The following WWOX variants were observed in gnomAD, a reference collection of about 807,000 sequenced individuals.
WWOX encodes the protein WW domain containing oxidoreductase.
WWOX carries 69 observed loss-of-function variants against 46.2 expected under a neutral mutation model. That is an observed-to-expected ratio of 1.49 (90% CI 1.23 to 1.82). The LOEUF is 1.82. Ranked by LOEUF, WWOX falls within the 40% of genes most tolerant of loss-of-function variation. The pLI, the probability that WWOX is intolerant of heterozygous loss-of-function variation, is 0.00. For missense variants in WWOX, 919 were observed against 542.6 expected (o/e 1.69, Z -6.89); for synonymous variants, 359 against 202.6 (o/e 1.77, Z -6.56).
intron 8 of WWOX, among the ~76,000 whole-genome samples, chr16:78,605,619 G>A (rs1224549706): frequency 6.6e-6 from 1 of 152,140 alleles, no homozygotes; most frequent in Non-Finnish European, 1.5e-5. Flanking sequence ...CAACCCAAAT[G>A]TTAAAATTTC....
At position 78,190,569 on chromosome 16, in the gene WWOX, T is replaced by C. The variant is rs140850293; in HGVS notation, c.516+26280T>C. Among the ~76,000 whole-genome samples the C allele has an allele frequency of 5.6e-3, 860 of 152,256 alleles. 27 individuals are homozygous for C. Among genetic ancestry groups the C allele is most frequent in the Admixed American group, 0.051 (780 of 15,294 alleles). ...TGCACATCCCTTCCAGCCAACTCTA[T>C]TGTGCACACATATTCGTAGGGTGAG... is the stretch of plus-strand genomic sequence containing the variant. On this transcript the variant is annotated intron_variant, in intron 5 of 8. Coordinates refer to ENST00000566780, the MANE Select transcript of WWOX (RefSeq NM_016373.4).
At chr16:78,625,034 G>A (rs1025078320) in intron 8 of WWOX, among the ~76,000 whole-genome samples, 6 of 152,114 alleles carry the variant, frequency 3.9e-5, no homozygotes, top group African/African-American at 1.4e-4. Flanking sequence ...GCCTGTCTTT[G>A]GGAAGAGGTG....
chr16:78,635,822 C>A lies in WWOX; in HGVS notation c.1056+203070C>A, dbSNP rs374594186. 1.9e-4 allele frequency among the ~76,000 whole-genome samples: 29 copies of A among 152,296 alleles called. No homozygotes were observed. The East Asian group carries it at 4.1e-3, about 21-fold the overall frequency. ...CAGCTAGTGGAAGGCGTGCCCAAAT[C>A]TCAGAAGTTGGCGTTTCCTTGCAGA... On this transcript the variant is annotated intron_variant, in intron 8 of 8. Coordinates refer to ENST00000566780, the MANE Select transcript of WWOX (RefSeq NM_016373.4).
chr16:78,804,843 G>C (rs367794276), intron 8 of WWOX, among the ~76,000 whole-genome samples: 2 of 152,224 alleles, frequency 1.3e-5, no homozygotes, highest in Non-Finnish European at 2.9e-5. Flanking sequence ...TAGGCATTCT[G>C]TGATCCTTAG....
At chr16:79,194,707 C>T (rs960272353) in intron 8 of WWOX, among the ~76,000 whole-genome samples, 1 of 152,296 alleles carries the variant, frequency 6.6e-6, no homozygotes, top group East Asian at 1.9e-4. Flanking sequence ...TCAGGAGGTG[C>T]TACTTTCTCC....
At chr16:78,509,980 G>C (rs1328804815) in intron 8 of WWOX, among the ~76,000 whole-genome samples, 1 of 151,338 alleles carries the variant, frequency 6.6e-6, no homozygotes, top group African/African-American at 2.4e-5. Flanking sequence ...CATGCCTGTA[G>C]TCCCAGCTTC....
At chr16:79,123,618 A>C (rs1481248820) in intron 8 of WWOX, among the ~76,000 whole-genome samples, 1 of 152,138 alleles carries the variant, frequency 6.6e-6, no homozygotes, top group Admixed American at 6.5e-5. Flanking sequence ...CCAGCAGTCA[A>C]AATAGTTTGA....
chr16:78,955,836 G>T lies in WWOX; in HGVS notation c.1057-255772G>T, dbSNP rs370513089. On this transcript the variant is annotated intron_variant, in intron 8 of 8. Coordinates refer to ENST00000566780, the MANE Select transcript of WWOX (RefSeq NM_016373.4). ...CTAATTTATTTTTTGTAAAGATGAGGTCTCACTATGTTTCCCAGGCTGGTC... is the reference window on the plus strand; with the variant it reads ...CTAATTTATTTTTTGTAAAGATGAGTTCTCACTATGTTTCCCAGGCTGGTC... Among the ~76,000 whole-genome samples the T allele has an allele frequency of 2.8e-4, 43 of 151,482 alleles. No individual in the cohort carries two copies. The East Asian group carries it at 7.1e-3, about 25-fold the overall frequency.
chr16:78,265,692 A>C (rs1443843309), intron 5 of WWOX, among the ~76,000 whole-genome samples: 2 of 143,436 alleles, frequency 1.4e-5, no homozygotes, highest in Non-Finnish European at 3.0e-5. Context: ...AAAAAAAAAA[A>C]ACAACAAAAA....
chr16:78,995,564 T>TA (rs564449666), intron 8 of WWOX, among the ~76,000 whole-genome samples: 316 of 143,046 alleles, frequency 2.2e-3, no homozygotes, highest in African/African-American at 5.6e-3. Context: ...ACTGTCTTTA[T>TA]AAAAAAAAAA....
chr16:79,170,063 A>G (rs2050670927), intron 8 of WWOX, among the ~76,000 whole-genome samples: 1 of 152,206 alleles, frequency 6.6e-6, no homozygotes. Flanking sequence ...ACCAGCTCAA[A>G]CAAGTTAGGA....
intron 8 of WWOX, among the ~76,000 whole-genome samples, chr16:78,542,585 C>G (rs1035629762): frequency 6.6e-6 from 1 of 150,422 alleles, no homozygotes; most frequent in Admixed American, 6.6e-5. Context: ...TGGAATTGAA[C>G]TTAAGCAGGT....
chr16:79,084,397 A>C (rs1188178648), intron 8 of WWOX, among the ~76,000 whole-genome samples: 1 of 152,212 alleles, frequency 6.6e-6, no homozygotes, highest in Admixed American at 6.5e-5. Flanking sequence ...AATAATTCCT[A>C]AAATGGTGAT....
intron 8 of WWOX, among the ~76,000 whole-genome samples, chr16:79,191,478 G>C (rs1208322569): frequency 6.6e-6 from 1 of 151,938 alleles, no homozygotes; most frequent in Non-Finnish European, 1.5e-5. Context: ...TTTCAAAGTA[G>C]CTACAACTGC....
chr16:79,056,722 C>G (rs558032092), intron 8 of WWOX, among the ~76,000 whole-genome samples: 1 of 152,194 alleles, frequency 6.6e-6, no homozygotes, highest in East Asian at 1.9e-4. Context: ...TGGGATAAGT[C>G]TTCTCTACCG....
intron 8 of WWOX, among the ~76,000 whole-genome samples, chr16:78,478,927 T>C (rs899281315): frequency 2.0e-5 from 3 of 152,234 alleles, no homozygotes; most frequent in Admixed American, 6.5e-5. Flanking sequence ...TTGGTTTTGA[T>C]ATTTCCATCA....
chr16:78,546,122 C>A (rs73581010), intron 8 of WWOX, among the ~76,000 whole-genome samples: 1 of 152,084 alleles, frequency 6.6e-6, no homozygotes, highest in Non-Finnish European at 1.5e-5. Context: ...AGAAGAAAGA[C>A]GGTCTTTAAA....
At chr16:78,480,236 T>C (rs1415344554) in intron 8 of WWOX, among the ~76,000 whole-genome samples, 1 of 152,202 alleles carries the variant, frequency 6.6e-6, no homozygotes, top group Non-Finnish European at 1.5e-5. Context: ...GGCTACCATA[T>C]TGGGTAGCAC....
intron 8 of WWOX, among the ~76,000 whole-genome samples, chr16:78,719,146 G>C (rs2048636133): frequency 6.6e-6 from 1 of 152,172 alleles, no homozygotes; most frequent in African/African-American, 2.4e-5. Flanking sequence ...CTGTGTGATT[G>C]TGGGTGATCT....
Sources: gnomAD v4.1 joint callset for allele counts (sites outside exome capture counted in the v4.1 genomes callset) on GRCh38, gnomAD v4.1.1 for gene constraint, MANE v1.5 for transcripts, NCBI Gene and HGNC (gene_info 2026-07-23, HGNC 2026-07-21) for gene names.